The following SERINC5 variants were observed in gnomAD, a reference collection of about 807,000 sequenced individuals.
The protein encoded by SERINC5 is chromosome 5 open reading frame 12.
In SERINC5, 41 loss-of-function variants were observed where a neutral mutation model predicts 63.1. The observed-to-expected ratio is 0.65, with a 90% CI of 0.51 to 0.84. The LOEUF (loss-of-function observed/expected upper bound fraction) is 0.84. Among genes scored for constraint, SERINC5 ranks in the 40% least tolerant of loss-of-function variants. The pLI is 0.00. For missense variants in SERINC5, 523 were observed against 573.0 expected (o/e 0.91, Z 0.89); for synonymous variants, 222 against 215.2 (o/e 1.03, Z -0.28).
intron 2 of SERINC5, chr5:80,198,500 A>AT: frequency 1.0e-6 from 1 of 985,028 alleles, no homozygotes. Flanking sequence ...CCCACATACC[A>AT]AAGACCCACG....
intron 11 of SERINC5, among the ~76,000 whole-genome samples, chr5:80,130,527 G>T (rs1744905452): frequency 6.6e-6 from 1 of 152,176 alleles, no homozygotes; most frequent in African/African-American, 2.4e-5. Context: ...TTCCCGGTTT[G>T]TCGTAACCTT....
At chr5:80,160,878 T>C (rs1746835410) in intron 7 of SERINC5, among the ~76,000 whole-genome samples, 1 of 151,942 alleles carries the variant, frequency 6.6e-6, no homozygotes, top group Admixed American at 6.6e-5. Flanking sequence ...CATTCTTTTT[T>C]ATGGCTGAAT....
At chr5:80,217,598 A>C (rs535452105) in intron 1 of SERINC5, among the ~76,000 whole-genome samples, 28 of 152,362 alleles carry the variant, frequency 1.8e-4, no homozygotes, top group African/African-American at 6.3e-4. Context: ...AATTCTATGC[A>C]CAATATGTAA....
intron 1 of SERINC5, among the ~76,000 whole-genome samples, chr5:80,236,553 G>A (rs1751699261): frequency 6.9e-6 from 1 of 145,794 alleles, no homozygotes; most frequent in Non-Finnish European, 1.5e-5. Flanking sequence ...TCTTGAGACA[G>A]ATTCTCGCTC....
chr5:80,215,443 T>C (rs1750618968), intron 1 of SERINC5, among the ~76,000 whole-genome samples: 1 of 152,186 alleles, frequency 6.6e-6, no homozygotes, highest in African/African-American at 2.4e-5. Context: ...AATTACCTAG[T>C]CTCAGGTATT....
rs55718546 is a variant in SERINC5 at position 80,140,305 on chromosome 5, C to CAAAA, written c.*3354_*3357dup. On this transcript the variant is annotated 3_prime_UTR_variant, in exon 12 of 12. Coordinates refer to ENST00000507668, the MANE Select transcript of SERINC5 (RefSeq NM_001174072.3). ...GTGGCTGACAGAGTGAGCCCGTCTC[C>CAAAA]AAAAAAAAAAAAAAAAAAAAAAAAA... The CAAAA allele has an allele frequency of 1.8e-4, 84 of 478,240 alleles. 3 individuals carry two copies. In the African/African-American group the frequency reaches 3.1e-3, roughly 18 times the overall value. The allele number at this position is 478,240 out of a possible 1,614,324, so 29.6% of individuals were successfully genotyped here.
chr5:80,191,599 C>T (rs143325363), intron 2 of SERINC5, among the ~76,000 whole-genome samples: 1,643 of 149,754 alleles, frequency 0.011, 22 homozygotes, highest in Non-Finnish European at 0.017. Context: ...AGAGGTTAAG[C>T]CTGCAGTGAG....
chr5:80,186,652 G>A (rs1486505619), intron 2 of SERINC5, among the ~76,000 whole-genome samples: 1 of 152,140 alleles, frequency 6.6e-6, no homozygotes, highest in East Asian at 1.9e-4. Context: ...GTTTACACAG[G>A]AGAGATGCTA....
In SERINC5 at chr5:80,153,704, G is replaced by A. The variant is rs143154516; in HGVS notation, c.987-2756C>T. The stretch of plus-strand genomic sequence containing the variant: ...GGGTTAAGACAATGCTTTATTGTAC[G>A]GAGAATGCCTAACACACCACAGCGT... On this transcript the variant is annotated intron_variant, in intron 8 of 11. Coordinates refer to ENST00000507668, the MANE Select transcript of SERINC5 (RefSeq NM_001174072.3). 9.7e-3 allele frequency among the ~76,000 whole-genome samples: 1,470 copies of A among 151,936 alleles called. 24 individuals carry two copies. The highest frequency in any genetic ancestry group is 0.034 in the African/African-American group (1,403 of 41,424).
intron 1 of SERINC5, among the ~76,000 whole-genome samples, chr5:80,242,847 T>C (rs1208943117): frequency 6.6e-6 from 1 of 152,090 alleles, no homozygotes; most frequent in East Asian, 1.9e-4. Context: ...TGCTTGAACT[T>C]GGGAGACAGT....
chr5:80,204,115 T>C (rs1750031969), intron 1 of SERINC5, among the ~76,000 whole-genome samples: 1 of 152,246 alleles, frequency 6.6e-6, no homozygotes, highest in Admixed American at 6.5e-5. Flanking sequence ...TGTGTACCTC[T>C]TCATCTGGCT....
At chr5:80,233,078 A>G (rs925500805) in intron 1 of SERINC5, among the ~76,000 whole-genome samples, 1 of 152,220 alleles carries the variant, frequency 6.6e-6, no homozygotes, top group Non-Finnish European at 1.5e-5. Flanking sequence ...TGAATTGCAC[A>G]CTTTAAATGA....
intron 1 of SERINC5, among the ~76,000 whole-genome samples, chr5:80,229,374 TCTC>T (rs1459291736): frequency 2.8e-5 from 4 of 142,862 alleles, no homozygotes; most frequent in Admixed American, 7.3e-5. Flanking sequence ...TAATTTAACA[TCTC>T]AGAATCCTCT....
chr5:80,202,919 C>A lies in SERINC5; in HGVS notation c.162G>T (p.Met54Ile). Residue 54 changes from methionine (M) to isoleucine (I), a missense_variant, in exon 2 of 12, where the codon ATG becomes ATT. By Grantham distance (10) the Met-to-Ile change is conservative (BLOSUM62 1). Transcript: ENST00000507668. Reference sequence around the variant, plus strand: ...TCATCTTGTGAGCCACGGTTGTTGACATCATGATGCAGCAGAGGACGACGA... The same window carrying A: ...TCATCTTGTGAGCCACGGTTGTTGAAATCATGATGCAGCAGAGGACGACGA... ...ILVVVLCCIMMSTTVAHKMKE... is the reference protein window; with the variant it reads ...ILVVVLCCIMISTTVAHKMKE... 6.2e-7 allele frequency: 1 copy of A among 1,612,476 alleles called. No homozygotes were observed. The highest frequency in any genetic ancestry group is 8.5e-7 in the Non-Finnish European group (1 of 1,178,774).
At chr5:80,161,701 A>C (rs547221259) in intron 7 of SERINC5, among the ~76,000 whole-genome samples, 1 of 152,324 alleles carries the variant, frequency 6.6e-6, no homozygotes, top group African/African-American at 2.4e-5. Flanking sequence ...GAAGCTAATT[A>C]GATTAACATA....
At chr5:80,153,331 G>A (rs111841923) in intron 8 of SERINC5, among the ~76,000 whole-genome samples, 10,919 of 151,682 alleles carry the variant, frequency 0.072, 437 homozygotes, top group East Asian at 0.13. Flanking sequence ...GGTGGGGGGC[G>A]CCTGTAATCC....
At chr5:80,153,893 G>A (rs1465671782) in intron 8 of SERINC5, among the ~76,000 whole-genome samples, 1 of 152,024 alleles carries the variant, frequency 6.6e-6, no homozygotes, top group Non-Finnish European at 1.5e-5. Context: ...GCAGAAGAAT[G>A]CACAATGCAG....
At chr5:80,113,620 G>C (rs572565254) in exon 12 of SERINC5, 3 of 294,360 alleles carry the variant, frequency 1.0e-5, no homozygotes, top group East Asian at 1.1e-4. Context: ...GAGGTGAAAG[G>C]CACTTCTTAC....
At chr5:80,211,981 T>A (rs1750452489) in intron 1 of SERINC5, among the ~76,000 whole-genome samples, 2 of 152,168 alleles carry the variant, frequency 1.3e-5, no homozygotes, top group Non-Finnish European at 2.9e-5. Context: ...CCCTCGGCCA[T>A]ATGGAAACCA....
Sources: gnomAD v4.1 joint callset for allele counts (sites outside exome capture counted in the v4.1 genomes callset) on GRCh38, gnomAD v4.1.1 for gene constraint, MANE v1.5 for transcripts, NCBI Gene and HGNC (gene_info 2026-07-23, HGNC 2026-07-21) for gene names.